KIAA1549L: variants seen among roughly 807,000 people sequenced by gnomAD.
The protein encoded by KIAA1549L is UPF0606 protein KIAA1549L.
KIAA1549L carries 88 observed loss-of-function variants against 160.7 expected under a neutral mutation model. That is an observed-to-expected ratio of 0.55 (90% confidence interval 0.46 to 0.65). The LOEUF is 0.65. KIAA1549L is among the 30% of genes least tolerant of loss of function. KIAA1549L has a pLI of 0.00. For synonymous variants in KIAA1549L, 950 were observed against 976.7 expected, an observed-to-expected ratio of 0.97 and a Z score of 0.51; for missense variants, 2,258 against 2,437.5, an observed-to-expected ratio of 0.93 and a Z score of 1.55.
At position 33,494,891 on chromosome 11, in the gene KIAA1549L, G is replaced by A. The variant is rs115324847; in HGVS notation, c.239-46911G>A. Among the ~76,000 whole-genome samples the A allele has an allele frequency of 8.0e-3, 1,210 of 152,162 alleles. 20 individuals are homozygous for A. Among genetic ancestry groups the A allele is most frequent in the African/African-American group, 0.027 (1,130 of 41,510 alleles). On this transcript the variant is annotated intron_variant, in intron 1 of 20. Transcript: ENST00000658780. ...TGCTATGATTGATTTATTTACATTC[G>A]TGGTCACATCAGTCGTAGTCAAATA...
At chr11:33,551,974 T>A in intron 5 of KIAA1549L, 134 bp from the exon 6 acceptor site, 1 of 972,552 alleles carries the variant, frequency 1.0e-6, no homozygotes, top group Non-Finnish European at 1.5e-6. Flanking sequence ...CAAGCAAACC[T>A]TGTCTGGCCT....
chr11:33,627,728 A>G (rs926867328), intron 16 of KIAA1549L, among the ~76,000 whole-genome samples: 86 of 152,184 alleles, frequency 5.7e-4, no homozygotes, highest in African/African-American at 1.9e-3. Context: ...GATCCTTTCA[A>G]AAAACCAGCT....
chr11:33,409,652 C>T (rs536697072), intron 1 of KIAA1549L, among the ~76,000 whole-genome samples: 1 of 152,080 alleles, frequency 6.6e-6, no homozygotes, highest in Admixed American at 6.5e-5. Flanking sequence ...CTCATTTATT[C>T]TTTTTCTTTG....
At chr11:33,600,758 ATTTTG>A (rs1257184629) in intron 13 of KIAA1549L, among the ~76,000 whole-genome samples, 1 of 152,020 alleles carries the variant, frequency 6.6e-6, no homozygotes, top group African/African-American at 2.4e-5. Context: ...GTAATGCTTT[ATTTTG>A]TTTTATTAAA....
At chr11:33,483,835 A>G (rs565841414) in intron 1 of KIAA1549L, among the ~76,000 whole-genome samples, 3 of 152,324 alleles carry the variant, frequency 2.0e-5, no homozygotes, top group African/African-American at 7.2e-5. Flanking sequence ...GCCACATGGA[A>G]CTGTGAGTCC....
At chr11:33,623,743 G>A (rs1236624749) in intron 16 of KIAA1549L, among the ~76,000 whole-genome samples, 1 of 152,142 alleles carries the variant, frequency 6.6e-6, no homozygotes, top group African/African-American at 2.4e-5. Context: ...GAGGGAGGCG[G>A]AGGGGTTTCA....
intron 1 of KIAA1549L, among the ~76,000 whole-genome samples, chr11:33,388,273 G>A (rs888858604): frequency 2.0e-5 from 3 of 152,236 alleles, no homozygotes; most frequent in African/African-American, 7.2e-5. Flanking sequence ...GCAGGAAAGA[G>A]AAGTGCCGAG....
chr11:33,599,504 A>G (rs1039417284), intron 13 of KIAA1549L: 2 of 152,026 alleles, frequency 1.3e-5, no homozygotes, highest in African/African-American at 4.8e-5. Flanking sequence ...CAAAAAAAAA[A>G]AAAAGAAAAG....
At chr11:33,582,226 A>G (rs527877222) in intron 10 of KIAA1549L, among the ~76,000 whole-genome samples, 2 of 152,340 alleles carry the variant, frequency 1.3e-5, no homozygotes, top group East Asian at 3.9e-4. Context: ...TTCTGTACTA[A>G]TAGTATTCTG....
At chr11:33,576,545 C>G (rs951353255) in intron 10 of KIAA1549L, among the ~76,000 whole-genome samples, 3 of 152,172 alleles carry the variant, frequency 2.0e-5, no homozygotes, top group African/African-American at 7.2e-5. Context: ...CTCCCTCTCT[C>G]CAGGTGAGGA....
chr11:33,473,287 T>G (rs925855292), intron 1 of KIAA1549L, among the ~76,000 whole-genome samples: 1 of 152,004 alleles, frequency 6.6e-6, no homozygotes, highest in African/African-American at 2.4e-5. Context: ...AGGAGGCAAG[T>G]GGAAATTTTA....
intron 1 of KIAA1549L, among the ~76,000 whole-genome samples, chr11:33,453,108 G>A (rs529318613): frequency 3.3e-5 from 5 of 152,198 alleles, no homozygotes; most frequent in Non-Finnish European, 5.9e-5. Context: ...TGACATAGGC[G>A]AGCACTGCTC....
At chr11:33,446,471 T>TTG (rs1261198009) in intron 1 of KIAA1549L, among the ~76,000 whole-genome samples, 5 of 152,188 alleles carry the variant, frequency 3.3e-5, no homozygotes, top group Admixed American at 3.3e-4. Context: ...ATTTCTTCCT[T>TTG]TGTAACAAAT....
At position 33,668,385 on chromosome 11, in the gene KIAA1549L, G is replaced by A. The variant is rs530471963; in HGVS notation, c.*231G>A. On this transcript the variant is annotated 3_prime_UTR_variant, in exon 21 of 21. Coordinates refer to ENST00000658780, the MANE Select transcript of KIAA1549L (RefSeq NM_012194.3). ...GTCCCTGGCTTGGGGCCTTATGTTT[G>A]ATACTCTCTCATGTCAAATGTTTGA... 2.3e-3 allele frequency: 1,327 copies of A among 571,618 alleles called. 6 individuals are homozygous for A. Among genetic ancestry groups the A allele is most frequent in the Non-Finnish European group, 3.1e-3 (1,005 of 321,800 alleles). 35.4% of individuals were successfully genotyped at this position (571,618 alleles called of 1,614,324 possible). A position where few individuals can be genotyped will look rare whatever the true frequency, so the allele number is the denominator to read the frequency against.
chr11:33,407,081 A>ATTTTTTTTTTTTTTTTT (rs750670251), intron 1 of KIAA1549L, among the ~76,000 whole-genome samples: 1 of 100,136 alleles, frequency 1.0e-5, no homozygotes, highest in Non-Finnish European at 1.9e-5. Flanking sequence ...TTCTTTTTTC[A>ATTTTTTTTTTTTTTTTT]TTTTTTTTTT....
chr11:33,550,968 A>G (rs1854439308), intron 4 of KIAA1549L, 72 bp from the exon 5 acceptor site: 1 of 1,270,620 alleles, frequency 7.9e-7, no homozygotes, highest in African/African-American at 1.5e-5. Context: ...CCGTGGTTCT[A>G]AGAAATACCA....
chr11:33,628,806 G>A (rs889080503), intron 16 of KIAA1549L, among the ~76,000 whole-genome samples: 42 of 151,466 alleles, frequency 2.8e-4, no homozygotes, highest in Middle Eastern at 3.4e-3. Context: ...ATATTGTTAT[G>A]TGTGAATTTG....
At chr11:33,517,301 C>T (rs1853369254) in intron 1 of KIAA1549L, among the ~76,000 whole-genome samples, 2 of 152,172 alleles carry the variant, frequency 1.3e-5, no homozygotes, top group African/African-American at 4.8e-5. Context: ...ACAATGGCAG[C>T]CACCCTGTGG....
intron 20 of KIAA1549L, 76 bp downstream of exon 20, chr11:33,661,090 G>A (rs538457628): frequency 2.9e-6 from 4 of 1,402,298 alleles, no homozygotes; most frequent in Non-Finnish European, 3.9e-6. Context: ...ATAAAAGGTT[G>A]AGACTGAAGG....
Sources: gnomAD v4.1 joint callset for allele counts (sites outside exome capture counted in the v4.1 genomes callset) on GRCh38, gnomAD v4.1.1 for gene constraint, MANE v1.5 for transcripts, NCBI Gene and HGNC (gene_info 2026-07-23, HGNC 2026-07-21) for gene names.